Variants in ASXL2 observed in about 807,000 individuals in gnomAD.
ASXL2 encodes ASXL transcriptional regulator 2.
ASXL2 carries 23 observed loss-of-function variants against 122.0 expected under a neutral mutation model. The observed-to-expected ratio is 0.19, with a 90% confidence interval of 0.14 to 0.27. ASXL2 has a LOEUF of 0.27. Among genes scored for constraint, ASXL2 ranks in the 10% least tolerant of loss-of-function variants. The probability of loss-of-function intolerance (pLI) is 1.00; values close to 1 mark genes in which losing one functional copy is unlikely to be tolerated. For synonymous variants in ASXL2, 650 were observed against 637.0 expected (o/e 1.02, Z -0.31); for missense variants, 1,518 against 1,713.8 (o/e 0.89, Z 2.02).
intron 1 of ASXL2, among the ~76,000 whole-genome samples, chr2:25,875,359 T>C (rs897957267): frequency 6.6e-6 from 1 of 152,148 alleles, no homozygotes; most frequent in African/African-American, 2.4e-5. Context: ...TCCCAGCTAC[T>C]TGGGAAGCTA....
intron 4 of ASXL2, among the ~76,000 whole-genome samples, chr2:25,803,069 T>C (rs1037358646): frequency 6.6e-6 from 1 of 151,992 alleles, no homozygotes; most frequent in African/African-American, 2.4e-5. Context: ...GAGGCGGAGG[T>C]TGCAGTGAGC....
At chr2:25,836,290 T>G (rs2089509459) in intron 2 of ASXL2, among the ~76,000 whole-genome samples, 1 of 152,190 alleles carries the variant, frequency 6.6e-6, no homozygotes, top group African/African-American at 2.4e-5. Flanking sequence ...TCCTCCAACC[T>G]TAGATATATT....
chr2:25,770,613 G>A (rs1043241970), intron 6 of ASXL2, among the ~76,000 whole-genome samples: 2 of 152,148 alleles, frequency 1.3e-5, no homozygotes, highest in Non-Finnish European at 2.9e-5. Flanking sequence ...AAATTAGCCA[G>A]GCGTGGTGAT....
Position 25,744,514 on chromosome 2 carries a change from G to A in ASXL2, c.1861-38C>T. 1 of 1,547,604 alleles carries A rather than the reference G, an allele frequency of 6.5e-7. No homozygotes were observed. The highest frequency in any genetic ancestry group is 8.6e-7 in the Non-Finnish European group (1 of 1,157,050). On this transcript the variant is annotated intron_variant, in intron 12 of 12. Coordinates refer to ENST00000435504, the MANE Select transcript of ASXL2 (RefSeq NM_018263.6). This position sits in a 1 kb window ranked among gnomAD's most constrained non-coding sequence, Gnocchi z 4.7. ...GAGGGGAAAAAAACAACAGAGCTTA[G>A]TTTTCATTTGTAAGAATAACAAAAC...
At chr2:25,780,108 T>G (rs889579002) in intron 5 of ASXL2, 3 of 152,136 alleles carry the variant, frequency 2.0e-5, no homozygotes, top group African/African-American at 7.2e-5. Flanking sequence ...ACACTGGCCT[T>G]CCAAACTGCT....
At chr2:25,788,107 A>G (rs1021321326) in intron 5 of ASXL2, among the ~76,000 whole-genome samples, 1 of 152,232 alleles carries the variant, frequency 6.6e-6, no homozygotes, top group Non-Finnish European at 1.5e-5. Context: ...ACACTGCAAT[A>G]AAGTAAATGA....
At chr2:25,852,923 T>A (rs1334288827) in intron 1 of ASXL2, among the ~76,000 whole-genome samples, 1 of 152,184 alleles carries the variant, frequency 6.6e-6, no homozygotes, top group Non-Finnish European at 1.5e-5. Flanking sequence ...TGAGGGGATT[T>A]AGCACTGACT....
Position 25,741,135 on chromosome 2 carries a change from T to C in ASXL2, c.*894A>G. 4.8e-6 allele frequency: 1 copy of C among 208,508 alleles called. No homozygotes were observed. Among genetic ancestry groups the C allele is most frequent in the Non-Finnish European group, 9.8e-6 (1 of 102,492 alleles). 12.9% of individuals were successfully genotyped at this position (208,508 alleles called of 1,614,324 possible). The stretch of plus-strand genomic sequence containing the variant: ...TCAAATCACCCAATCACTAACACTT[T>C]CCTGTTCATTTTATATGAGTATTTC... On this transcript the variant is annotated 3_prime_UTR_variant, in exon 13 of 13. Coordinates refer to ENST00000435504, the MANE Select transcript of ASXL2 (RefSeq NM_018263.6).
intron 5 of ASXL2, among the ~76,000 whole-genome samples, chr2:25,774,725 G>C (rs189504004): frequency 6.6e-6 from 1 of 152,306 alleles, no homozygotes; most frequent in Admixed American, 6.5e-5. Flanking sequence ...ATGTAGTAGC[G>C]GAATTGTGTT....
intron 3 of ASXL2, chr2:25,822,658 C>T: frequency 1.6e-6 from 1 of 643,644 alleles, no homozygotes; most frequent in African/African-American, 1.8e-5. Flanking sequence ...CTAATGATTC[C>T]AAGCATAAAA....
intron 3 of ASXL2, among the ~76,000 whole-genome samples, chr2:25,814,887 GC>G (rs1345138494): frequency 1.3e-5 from 2 of 152,180 alleles, no homozygotes; most frequent in Non-Finnish European, 2.9e-5. Context: ...CCTGACTGTA[GC>G]CTGGGCAAGT....
intron 1 of ASXL2, among the ~76,000 whole-genome samples, chr2:25,859,016 G>A (rs2089815505): frequency 6.6e-6 from 1 of 151,480 alleles, no homozygotes. Context: ...GTTTCACCAT[G>A]TTGGCCAGGC....
At chr2:25,783,891 T>C (rs994223176) in intron 5 of ASXL2, among the ~76,000 whole-genome samples, 1 of 151,934 alleles carries the variant, frequency 6.6e-6, no homozygotes, top group Admixed American at 6.6e-5. Context: ...CCGACTCTAC[T>C]ACAAATACAA....
At chr2:25,752,515 C>T (rs2088062733) in intron 11 of ASXL2, among the ~76,000 whole-genome samples, 1 of 152,150 alleles carries the variant, frequency 6.6e-6, no homozygotes, top group Non-Finnish European at 1.5e-5. Flanking sequence ...TGGATAGCTA[C>T]ATTTTGGGAT....
At position 25,742,631 on chromosome 2, in the gene ASXL2, G is replaced by C; in HGVS notation, c.3706C>G (p.Pro1236Ala). The change falls in exon 13 of 13, where the codon CCA becomes GCA. Residue 1236 changes from proline (P) to alanine (A), a missense_variant. By Grantham distance (27) the Pro-to-Ala change is conservative. Coordinates refer to ENST00000435504, the MANE Select transcript of ASXL2 (RefSeq NM_018263.6). ...LASKNVKAEIPLNEQTTLSKE... is the reference protein window; with the variant it reads ...LASKNVKAEIALNEQTTLSKE... The stretch of plus-strand genomic sequence containing the variant: ...CTTAAAGTGGTTTGCTCATTCAATG[G>C]TATCTCAGCCTTCACATTCTTGCTA... 1 of 1,613,916 alleles carries C rather than the reference G, an allele frequency of 6.2e-7. No individual in the cohort carries two copies. Among genetic ancestry groups the C allele is most frequent in the Non-Finnish European group, 8.5e-7 (1 of 1,179,876 alleles).
At position 25,741,382 on chromosome 2, in the gene ASXL2, C is replaced by G; in HGVS notation, c.*647G>C. 8.9e-6 allele frequency: 2 copies of G among 224,098 alleles called. No individual in the cohort carries two copies. The highest frequency in any genetic ancestry group is 1.8e-5 in the Non-Finnish European group (2 of 112,490). 13.9% of individuals were successfully genotyped at this position (224,098 alleles called of 1,614,324 possible). On this transcript the variant is annotated 3_prime_UTR_variant, in exon 13 of 13. Transcript: ENST00000435504. Reference sequence around the variant, plus strand: ...CAGTACCAGTAACTAGTAACTAGTACAGTAGAAGCCAAGAACCAAGTCAGG... The same window carrying G: ...CAGTACCAGTAACTAGTAACTAGTAGAGTAGAAGCCAAGAACCAAGTCAGG...
intron 5 of ASXL2, among the ~76,000 whole-genome samples, chr2:25,794,992 A>G (rs555802851): frequency 1.3e-5 from 2 of 152,220 alleles, no homozygotes; most frequent in Non-Finnish European, 2.9e-5. Flanking sequence ...TATGGTATCT[A>G]TATCACATGT....
At chr2:25,751,991 C>T (rs1007615466) in intron 11 of ASXL2, among the ~76,000 whole-genome samples, 4 of 152,074 alleles carry the variant, frequency 2.6e-5, no homozygotes, top group Admixed American at 6.6e-5. Flanking sequence ...AAGTTGGTCT[C>T]GAATTCCTGG....
intron 5 of ASXL2, among the ~76,000 whole-genome samples, chr2:25,788,858 C>T (rs1017808378): frequency 2.0e-5 from 3 of 151,990 alleles, no homozygotes; most frequent in African/African-American, 7.2e-5. Context: ...TTCTCTGTGG[C>T]TTGCCTTTTC....
Sources: allele counts gnomAD v4.1 joint callset (sites outside exome capture counted in the v4.1 genomes callset), GRCh38; gene constraint gnomAD v4.1.1; non-coding constraint Gnocchi (gnomAD v3.1); transcripts MANE v1.5; gene names NCBI Gene and HGNC (gene_info 2026-07-23, HGNC 2026-07-21).